The following MSI2 variants were observed in gnomAD, a reference collection of about 807,000 sequenced individuals.
MSI2 encodes the protein musashi RNA binding protein 2.
Under a neutral mutation model 45.6 loss-of-function variants are expected in MSI2, and 17 were observed. The ratio of observed to expected loss-of-function variants is 0.37; its 90% confidence interval spans 0.26 to 0.56. The LOEUF is 0.56. MSI2 is among the 20% of genes least tolerant of loss of function. The pLI, the probability that MSI2 is intolerant of heterozygous loss-of-function variation, is 0.77. For synonymous variants in MSI2, 156 were observed against 158.2 expected (o/e 0.99, Z 0.11); for missense variants, 293 against 444.2 (o/e 0.66, Z 3.06).
At chr17:57,569,107 C>T (rs758303311) in intron 7 of MSI2, among the ~76,000 whole-genome samples, 25 of 151,696 alleles carry the variant, frequency 1.6e-4, no homozygotes, top group Non-Finnish European at 3.2e-4. Context: ...TGGGGTGGGA[C>T]GGTGGATTAG....
At chr17:57,363,983 G>C (rs1294152051) in intron 5 of MSI2, among the ~76,000 whole-genome samples, 2 of 152,160 alleles carry the variant, frequency 1.3e-5, no homozygotes, top group Admixed American at 1.3e-4. Flanking sequence ...CCACTTCCCA[G>C]GTAAGGGGCT....
intron 7 of MSI2, among the ~76,000 whole-genome samples, chr17:57,531,231 G>C (rs1036602626): frequency 1.3e-5 from 2 of 152,194 alleles, no homozygotes; most frequent in African/African-American, 4.8e-5. Context: ...GGGTTGTTGT[G>C]ACATTGGGAA....
At chr17:57,559,522 CGAGT>C (rs1441969020) in intron 7 of MSI2, among the ~76,000 whole-genome samples, 1 of 152,170 alleles carries the variant, frequency 6.6e-6, no homozygotes, top group Non-Finnish European at 1.5e-5. Flanking sequence ...GCTCCTGCAT[CGAGT>C]GCTTGTCTCA....
Position 57,375,538 on chromosome 17 carries a change from G to A in MSI2, c.313-25841G>A, listed in dbSNP as rs895018844. 3.9e-5 allele frequency among the ~76,000 whole-genome samples: 6 copies of A among 152,344 alleles called. No homozygotes were observed. In the South Asian group the frequency reaches 1.2e-3, roughly 32 times the overall value. ...AGCATGGAAGCCATGGGATCACGGCGTGGGGAGTGGGGCTGTGAAGCCAGC... is the reference window on the plus strand; with the variant it reads ...AGCATGGAAGCCATGGGATCACGGCATGGGGAGTGGGGCTGTGAAGCCAGC... On this transcript the variant is annotated intron_variant, in intron 5 of 13. Transcript: ENST00000284073.
At chr17:57,571,455 A>T (rs371744070) in intron 7 of MSI2, among the ~76,000 whole-genome samples, 11 of 152,042 alleles carry the variant, frequency 7.2e-5, no homozygotes, top group Non-Finnish European at 1.5e-5. Flanking sequence ...CTCCCAGGAG[A>T]TGGGTTTCTG....
At chr17:57,285,288 A>G (rs1909771935) in intron 5 of MSI2, among the ~76,000 whole-genome samples, 1 of 152,146 alleles carries the variant, frequency 6.6e-6, no homozygotes, top group Non-Finnish European at 1.5e-5. Flanking sequence ...CTAGGAAGAA[A>G]GCCTTTTTGT....
At chr17:57,417,194 T>G (rs909179999) in intron 6 of MSI2, among the ~76,000 whole-genome samples, 3 of 152,142 alleles carry the variant, frequency 2.0e-5, no homozygotes, top group African/African-American at 7.2e-5. Context: ...GCCTGAGCAT[T>G]GACCTGGAAA....
At chr17:57,440,466 G>GTGTGTGTGTGTT (rs2084779068) in intron 6 of MSI2, among the ~76,000 whole-genome samples, 1 of 145,598 alleles carries the variant, frequency 6.9e-6, no homozygotes, top group East Asian at 2.0e-4. Flanking sequence ...GTGTGTGTGT[G>GTGTGTGTGTGTT]TAGCGTGGCT....
At chr17:57,337,066 A>G (rs1044883698) in intron 5 of MSI2, among the ~76,000 whole-genome samples, 5 of 152,146 alleles carry the variant, frequency 3.3e-5, no homozygotes, top group African/African-American at 1.2e-4. Flanking sequence ...GTGTCTGCAC[A>G]GTGTTGTCAT....
intron 10 of MSI2, chr17:57,632,462 G>A: frequency 2.8e-6 from 3 of 1,066,100 alleles, no homozygotes; most frequent in East Asian, 5.0e-5. Flanking sequence ...AGTCATCCAG[G>A]TGCTGCCACA....
chr17:57,436,533 G>T (rs932898455), intron 6 of MSI2, among the ~76,000 whole-genome samples: 6 of 152,198 alleles, frequency 3.9e-5, no homozygotes, highest in African/African-American at 1.4e-4. Flanking sequence ...TCCAGCGTGG[G>T]CCTTGCTTTG....
intron 8 of MSI2, among the ~76,000 whole-genome samples, chr17:57,610,228 A>G (rs1255197469): frequency 6.6e-6 from 1 of 152,100 alleles, no homozygotes; most frequent in African/African-American, 2.4e-5. Context: ...TGAGGCGGGA[A>G]GATCACGAGG....
chr17:57,535,784 C>T (rs544840002), intron 7 of MSI2, among the ~76,000 whole-genome samples: 22 of 152,300 alleles, frequency 1.4e-4, no homozygotes, highest in African/African-American at 2.4e-4. Context: ...GGCAGGTGGC[C>T]GGAGAGCTTG....
At chr17:57,375,392 A>G (rs1469416950) in intron 5 of MSI2, among the ~76,000 whole-genome samples, 1 of 152,208 alleles carries the variant, frequency 6.6e-6, no homozygotes, top group East Asian at 1.9e-4. Context: ...CTCAAGAGGC[A>G]AAGATGCAGT....
intron 6 of MSI2, among the ~76,000 whole-genome samples, chr17:57,515,386 G>A (rs2086449799): frequency 6.6e-6 from 1 of 152,124 alleles, no homozygotes; most frequent in Non-Finnish European, 1.5e-5. Flanking sequence ...GTATTTTTTA[G>A]TGGAGATGGA....
At chr17:57,261,645 T>G (rs1907318638) in intron 4 of MSI2, among the ~76,000 whole-genome samples, 1 of 152,188 alleles carries the variant, frequency 6.6e-6, no homozygotes, top group Admixed American at 6.5e-5. Flanking sequence ...TGTTGTTGAT[T>G]TAAAAAATTT....
chr17:57,662,250 G>A (rs912504856), intron 11 of MSI2, among the ~76,000 whole-genome samples: 1 of 152,118 alleles, frequency 6.6e-6, no homozygotes, highest in African/African-American at 2.4e-5. Flanking sequence ...ATCTGTCAGG[G>A]GATGAGAACA....
chr17:57,626,459 T>C lies in MSI2; in HGVS notation c.653-770T>C, dbSNP rs546329359. On this transcript the variant is annotated intron_variant, in intron 9 of 13. Transcript: ENST00000284073. ...CACACCAGCCCCTGGACTTGCCAGC[T>C]GAGTTTCTTGTGTGCCCAGTGGCCA... The C allele has an allele frequency of 2.0e-5, 3 of 152,316 alleles. No homozygotes were observed. The East Asian group carries it at 5.8e-4, about 29-fold the overall frequency. 9.4% of individuals were successfully genotyped at this position (152,316 alleles called of 1,614,324 possible). A position where few individuals can be genotyped will look rare whatever the true frequency, so the allele number is the denominator to read the frequency against.
intron 6 of MSI2, among the ~76,000 whole-genome samples, chr17:57,485,523 A>G (rs1472511797): frequency 6.6e-6 from 1 of 152,240 alleles, no homozygotes; most frequent in Non-Finnish European, 1.5e-5. Flanking sequence ...GATCTCCCTA[A>G]TGCATCTTCC....
Sources: gnomAD v4.1 joint callset for allele counts (sites outside exome capture counted in the v4.1 genomes callset) on GRCh38, gnomAD v4.1.1 for gene constraint, MANE v1.5 for transcripts, NCBI Gene and HGNC (gene_info 2026-07-23, HGNC 2026-07-21) for gene names.